The following TLL1 variants were observed in gnomAD, a reference collection of about 807,000 sequenced individuals.
TLL1 encodes tolloid-like protein 1.
In TLL1, 49 loss-of-function variants were observed where a neutral mutation model predicts 128.2. The ratio of observed to expected loss-of-function variants is 0.38; its 90% confidence interval spans 0.30 to 0.48. The LOEUF is 0.48. Ranked by LOEUF, TLL1 falls within the 20% of genes least tolerant of loss-of-function variation. The pLI is 0.96. For synonymous variants in TLL1, 454 were observed against 418.8 expected, an observed-to-expected ratio of 1.08 and a Z score of -1.03; for missense variants, 1,123 against 1,242.0, an observed-to-expected ratio of 0.90 and a Z score of 1.44.
chr4:165,972,189 G>A (rs1489489733), intron 1 of TLL1, among the ~76,000 whole-genome samples: 1 of 152,056 alleles, frequency 6.6e-6, no homozygotes, highest in Admixed American at 6.6e-5. Context: ...AGACATAGTG[G>A]ACAGACTATG....
Position 166,065,664 on chromosome 4 carries a change from T to A in TLL1, c.2008-19T>A. The A allele has an allele frequency of 6.2e-7, 1 of 1,612,536 alleles. No individual in the cohort carries two copies. Among genetic ancestry groups the A allele is most frequent in the Non-Finnish European group, 8.5e-7 (1 of 1,178,998 alleles). Reference sequence around the variant, plus strand: ...TTGTACTCACAAATCTGGCAACTGATAACCACATTTTTTTCTAGGTTTGCA... The same window carrying A: ...TTGTACTCACAAATCTGGCAACTGAAAACCACATTTTTTTCTAGGTTTGCA... On this transcript the variant is annotated intron_variant, in intron 15 of 20. Transcript: ENST00000061240.
At chr4:166,026,105 G>C (rs1013085242) in intron 9 of TLL1, among the ~76,000 whole-genome samples, 3 of 152,150 alleles carry the variant, frequency 2.0e-5, no homozygotes, top group African/African-American at 7.2e-5. Context: ...ACAAGGAAAT[G>C]GGTCAGGCGA....
chr4:165,944,024 TATAATAAAATAATGAA>T (rs1734134381), intron 1 of TLL1, among the ~76,000 whole-genome samples: 1 of 152,164 alleles, frequency 6.6e-6, no homozygotes, highest in South Asian at 2.1e-4. Context: ...GATATATCTT[TATAATAAAATAATGAA>T]ATGCCCCTTT....
intron 1 of TLL1, among the ~76,000 whole-genome samples, chr4:165,896,752 G>A (rs539226278): frequency 2.0e-5 from 3 of 152,170 alleles, no homozygotes; most frequent in African/African-American, 7.2e-5. Flanking sequence ...CCAAGTGCTG[G>A]CATTACAGGC....
intron 1 of TLL1, among the ~76,000 whole-genome samples, chr4:165,985,025 C>T (rs1354303134): frequency 6.6e-6 from 1 of 151,978 alleles, no homozygotes; most frequent in Non-Finnish European, 1.5e-5. Context: ...GGTATGTTCT[C>T]ATTCACATTT....
intron 8 of TLL1, among the ~76,000 whole-genome samples, chr4:166,019,944 G>A (rs1738139611): frequency 1.3e-5 from 2 of 152,054 alleles, no homozygotes; most frequent in African/African-American, 4.8e-5. Context: ...GCTCAATACA[G>A]AAATAAGGTT....
intron 1 of TLL1, among the ~76,000 whole-genome samples, chr4:165,930,612 A>T (rs965441852): frequency 6.6e-6 from 1 of 152,204 alleles, no homozygotes; most frequent in Admixed American, 6.5e-5. Context: ...CTGGCTCTTT[A>T]CAGAGAAAGT....
intron 7 of TLL1, 101 bp from the exon 8 acceptor site, chr4:166,014,335 C>G (rs996303852): frequency 1.3e-6 from 2 of 1,567,606 alleles, no homozygotes; most frequent in African/African-American, 2.7e-5. Flanking sequence ...TGTAGTTCCC[C>G]TTTGATTGAC....
At chr4:165,916,089 C>G (rs903513711) in intron 1 of TLL1, among the ~76,000 whole-genome samples, 1 of 152,096 alleles carries the variant, frequency 6.6e-6, no homozygotes, top group Non-Finnish European at 1.5e-5. Context: ...CGTCTGTGGA[C>G]AGAGGCATTT....
intron 1 of TLL1, among the ~76,000 whole-genome samples, chr4:165,889,556 G>A (rs1471485851): frequency 7.2e-5 from 11 of 152,332 alleles, no homozygotes; most frequent in East Asian, 1.9e-4. Flanking sequence ...CAGTGTTTGC[G>A]TAAAGTGGTA....
chr4:166,041,870 T>C (rs1739256082), intron 10 of TLL1, among the ~76,000 whole-genome samples, 157 bp from the exon 11 acceptor site: 1 of 152,296 alleles, frequency 6.6e-6, no homozygotes, highest in Middle Eastern at 3.4e-3. Flanking sequence ...TTATCTACCA[T>C]TAGTAAGTAA....
rs144097599 is a variant in TLL1, at chr4:165,926,673, A to G, written c.169+52600A>G. Among the ~76,000 whole-genome samples, 610 of 152,230 alleles carry G rather than the reference A, an allele frequency of 4.0e-3. 4 individuals carry two copies. Among genetic ancestry groups the G allele is most frequent in the African/African-American group, 0.014 (563 of 41,558 alleles). ...ATCAAAGCTGGCATTAGTGCCAGGT[A>G]TCGTGTTTATTGATATTTAAGCCAG... is the stretch of plus-strand genomic sequence containing the variant. On this transcript the variant is annotated intron_variant, in intron 1 of 20. Coordinates refer to ENST00000061240, the MANE Select transcript of TLL1 (RefSeq NM_012464.5).
At chr4:166,085,169 T>A (rs1446730703) in intron 18 of TLL1, among the ~76,000 whole-genome samples, 1 of 152,040 alleles carries the variant, frequency 6.6e-6, no homozygotes, top group Non-Finnish European at 1.5e-5. Flanking sequence ...TACTTTCTAA[T>A]AGGTTTCTGG....
At chr4:165,890,667 A>ATG (rs1354928428) in intron 1 of TLL1, among the ~76,000 whole-genome samples, 1 of 152,224 alleles carries the variant, frequency 6.6e-6, no homozygotes, top group Non-Finnish European at 1.5e-5. Flanking sequence ...GGCCTTGGGC[A>ATG]GCTCTGCCTC....
chr4:166,042,061 T>C lies in TLL1; in HGVS notation c.1296T>C (p.Leu432=), dbSNP rs1739263117. The C allele has an allele frequency of 6.2e-7, 1 of 1,612,276 alleles. No individual in the cohort carries two copies. Residue 432 remains leucine (L), a synonymous_variant, in exon 11 of 21, where the codon CTT becomes CTC. Coordinates refer to ENST00000061240, the MANE Select transcript of TLL1 (RefSeq NM_012464.5). ...GTGGGGACAAATTGCCTGAAGTTCT[T>C]ACTTCTACAGACAGCAGAATGTGGA... ...RFCGDKLPEV[L]TSTDSRMWIE... is the part of the protein sequence containing the mutation.
intron 12 of TLL1, among the ~76,000 whole-genome samples, chr4:166,050,011 G>T (rs1739636492): frequency 6.6e-6 from 1 of 152,026 alleles, no homozygotes; most frequent in Non-Finnish European, 1.5e-5. Context: ...ATGTTTTAAA[G>T]CTACATTGTA....
At chr4:166,055,314 G>C (rs1739954179) in intron 13 of TLL1, 43 bp downstream of exon 13, 3 of 1,558,594 alleles carry the variant, frequency 1.9e-6, no homozygotes, top group Admixed American at 1.7e-5. Context: ...TCTTTATCAA[G>C]GATACTTGTA....
At chr4:165,917,587 AT>A (rs1188196365) in intron 1 of TLL1, among the ~76,000 whole-genome samples, 1 of 151,942 alleles carries the variant, frequency 6.6e-6, no homozygotes, top group African/African-American at 2.4e-5. Context: ...ATATTATCTT[AT>A]TTTTATTTAT....
intron 18 of TLL1, among the ~76,000 whole-genome samples, chr4:166,088,645 T>C (rs923852854): frequency 6.6e-6 from 1 of 152,112 alleles, no homozygotes; most frequent in Admixed American, 6.6e-5. Context: ...AATACCTTAA[T>C]GAATGAGAGT....
Sources: gnomAD v4.1 joint callset for allele counts (sites outside exome capture counted in the v4.1 genomes callset) on GRCh38, gnomAD v4.1.1 for gene constraint, MANE v1.5 for transcripts, NCBI Gene and HGNC (gene_info 2026-07-23, HGNC 2026-07-21) for gene names.